Variants in IL1RAPL1 observed in about 807,000 individuals in gnomAD.
The protein encoded by IL1RAPL1 is interleukin 1 receptor accessory protein like 1.
A neutral mutation model predicts 48.4 loss-of-function variants in IL1RAPL1; 3 were observed. The ratio of observed to expected loss-of-function variants is 0.06; its 90% confidence interval spans 0.03 to 0.16. IL1RAPL1 has a LOEUF of 0.16. Among genes scored for constraint, IL1RAPL1 ranks in the 10% least tolerant of loss-of-function variants. The pLI is 1.00. For missense variants in IL1RAPL1, 349 were observed against 530.6 expected (o/e 0.66, Z 3.36); for synonymous variants, 185 against 187.7 (o/e 0.99, Z 0.12).
chrX:29,276,292 G>A (rs1291353302), intron 2 of IL1RAPL1, among the ~76,000 whole-genome samples: 2 of 111,801 alleles, frequency 1.8e-5, no homozygotes, highest in African/African-American at 3.3e-5. Flanking sequence ...GGTTTTCCAG[G>A]AGACATACAT....
chrX:29,390,469 T>C (rs972103492), intron 3 of IL1RAPL1, among the ~76,000 whole-genome samples: 1 of 112,159 alleles, frequency 8.9e-6, no homozygotes, highest in Non-Finnish European at 1.9e-5. Flanking sequence ...AATCCCTGGC[T>C]TTCTTACACA....
At chrX:29,634,294 T>C (rs756085273) in intron 5 of IL1RAPL1, among the ~76,000 whole-genome samples, 1 of 110,957 alleles carries the variant, frequency 9.0e-6, no homozygotes, top group Non-Finnish European at 1.9e-5. Flanking sequence ...TAGATCAATG[T>C]CCCCACTCTG....
chrX:29,282,081 T>C (rs62586255), intron 2 of IL1RAPL1, among the ~76,000 whole-genome samples: 45,103 of 110,143 alleles, frequency 0.41, 8,609 homozygotes, highest in Non-Finnish European at 0.59. Flanking sequence ...CATCTAACCC[T>C]AATTACCTCC....
intron 3 of IL1RAPL1, among the ~76,000 whole-genome samples, chrX:29,366,238 CTG>C (rs1300078505): frequency 9.0e-6 from 1 of 110,663 alleles, no homozygotes; most frequent in African/African-American, 3.3e-5. Context: ...AGAAGAAAGT[CTG>C]AGAATTTTTC....
At chrX:28,875,596 C>A (rs1408136123) in intron 2 of IL1RAPL1, among the ~76,000 whole-genome samples, 2 of 111,411 alleles carry the variant, frequency 1.8e-5, no homozygotes, top group African/African-American at 6.5e-5. Flanking sequence ...GGAGATGGGG[C>A]TTGGTGGGAT....
chrX:28,927,609 C>A (rs1355828605), intron 2 of IL1RAPL1, among the ~76,000 whole-genome samples: 1 of 110,185 alleles, frequency 9.1e-6, no homozygotes, highest in Admixed American at 9.7e-5. Context: ...TTCCTCCTTT[C>A]CTTCCTTTTT....
intron 2 of IL1RAPL1, among the ~76,000 whole-genome samples, chrX:28,960,818 A>C (rs1336479484): frequency 9.1e-6 from 1 of 109,661 alleles, no homozygotes; most frequent in Non-Finnish European, 1.9e-5. Context: ...ACCATCCTGG[A>C]TAACACAGTG....
intron 5 of IL1RAPL1, among the ~76,000 whole-genome samples, chrX:29,413,391 A>G (rs972050046): frequency 4.5e-5 from 5 of 111,158 alleles, no homozygotes; most frequent in African/African-American, 9.8e-5. Flanking sequence ...TTTAGGGTAC[A>G]TGTGCACAAC....
chrX:28,713,944 G>A (rs973485177), intron 1 of IL1RAPL1, among the ~76,000 whole-genome samples: 1 of 111,911 alleles, frequency 8.9e-6, no homozygotes, highest in Non-Finnish European at 1.9e-5. Flanking sequence ...AGCAGGAACT[G>A]CCAATATCGT....
intron 1 of IL1RAPL1, among the ~76,000 whole-genome samples, chrX:28,709,017 CA>C (rs1260226453): frequency 9.0e-6 from 1 of 111,226 alleles, no homozygotes; most frequent in Non-Finnish European, 1.9e-5. Flanking sequence ...TACATTTGTG[CA>C]AAAAAAGTCC....
At chrX:28,729,571 A>G (rs1935727993) in intron 1 of IL1RAPL1, among the ~76,000 whole-genome samples, 1 of 111,190 alleles carries the variant, frequency 9.0e-6, no homozygotes, top group African/African-American at 3.3e-5. Context: ...CCTAATAATT[A>G]ATGAGGACTG....
At chrX:29,480,559 A>T (rs1445791733) in intron 5 of IL1RAPL1, among the ~76,000 whole-genome samples, 3 of 110,436 alleles carry the variant, frequency 2.7e-5, no homozygotes, top group African/African-American at 9.9e-5. Context: ...TATAGTTTCA[A>T]CCATAATAAT....
At chrX:28,865,050 G>T (rs1415404349) in intron 2 of IL1RAPL1, among the ~76,000 whole-genome samples, 1 of 111,712 alleles carries the variant, frequency 9.0e-6, no homozygotes, top group African/African-American at 3.3e-5. Flanking sequence ...GTTGGAAAAA[G>T]AGCTGAGTCA....
intron 8 of IL1RAPL1, among the ~76,000 whole-genome samples, chrX:29,921,865 C>A (rs1219764227): frequency 8.9e-6 from 1 of 112,090 alleles, no homozygotes; most frequent in Non-Finnish European, 1.9e-5. Flanking sequence ...AGTCTCTGAA[C>A]CTTTACTTCA....
At chrX:29,331,254 A>G (rs1182076634) in intron 3 of IL1RAPL1, among the ~76,000 whole-genome samples, 1 of 111,553 alleles carries the variant, frequency 9.0e-6, no homozygotes, top group Non-Finnish European at 1.9e-5. Context: ...CCCACTGTAT[A>G]GAAAATACTC....
At chrX:29,413,880 T>A (rs1421427412) in intron 5 of IL1RAPL1, among the ~76,000 whole-genome samples, 2 of 110,138 alleles carry the variant, frequency 1.8e-5, no homozygotes, top group African/African-American at 6.6e-5. Context: ...TTGATATGAT[T>A]ATATATATTT....
intron 6 of IL1RAPL1, among the ~76,000 whole-genome samples, chrX:29,766,292 C>T (rs1423845732): frequency 1.1e-5 from 1 of 89,905 alleles, no homozygotes; most frequent in Non-Finnish European, 2.1e-5. Context: ...CATGCCTTTG[C>T]ACTCCAGCCT....
chrX:29,803,413 GTGTATATGTGTATATA>G (rs1191396583), intron 6 of IL1RAPL1, among the ~76,000 whole-genome samples: 1 of 89,369 alleles, frequency 1.1e-5, no homozygotes, highest in Non-Finnish European at 2.2e-5. Context: ...ATGTGTATAT[GTGTATATGTGTATATA>G]TGTATACATC....
chrX:28,938,060 A>G (rs1164242489), intron 2 of IL1RAPL1, among the ~76,000 whole-genome samples: 2 of 111,760 alleles, frequency 1.8e-5, no homozygotes, highest in Non-Finnish European at 3.8e-5. Context: ...AAGGGATGGG[A>G]AGAATCAATA....
Sources: gnomAD v4.1 joint callset for allele counts (sites outside exome capture counted in the v4.1 genomes callset) on GRCh38, gnomAD v4.1.1 for gene constraint, MANE v1.5 for transcripts, NCBI Gene and HGNC (gene_info 2026-07-23, HGNC 2026-07-21) for gene names.